ARHGAP10: variants seen among roughly 807,000 people sequenced by gnomAD.
ARHGAP10 encodes the protein Rho GTPase activating protein 10.
ARHGAP10 carries 87 observed loss-of-function variants against 108.6 expected under a neutral mutation model. The observed-to-expected ratio is 0.80, with a 90% CI of 0.67 to 0.96. The LOEUF is 0.96. Among genes scored for constraint, ARHGAP10 ranks in the 40% least tolerant of loss-of-function variants. The pLI, the probability that ARHGAP10 is intolerant of heterozygous loss-of-function variation, is 0.00. For missense variants in ARHGAP10, 939 were observed against 954.5 expected, an observed-to-expected ratio of 0.98 and a Z score of 0.21; for synonymous variants, 347 against 341.1, an observed-to-expected ratio of 1.02 and a Z score of -0.19.
intron 18 of ARHGAP10, among the ~76,000 whole-genome samples, chr4:147,990,587 T>C (rs1206195102): frequency 6.6e-6 from 1 of 152,176 alleles, no homozygotes; most frequent in Non-Finnish European, 1.5e-5. Flanking sequence ...GTGGCACATA[T>C]ACACCATGGA....
At chr4:147,775,588 T>C (rs1478422834) in intron 1 of ARHGAP10, among the ~76,000 whole-genome samples, 2 of 152,182 alleles carry the variant, frequency 1.3e-5, no homozygotes. Context: ...GGTCCTTGTT[T>C]CCTTTTCACC....
chr4:147,788,130 A>T (rs529455188), intron 1 of ARHGAP10, among the ~76,000 whole-genome samples: 10 of 15,986 alleles, frequency 6.3e-4, no homozygotes, highest in Non-Finnish European at 2.5e-3. Context: ...CTTTTAAAAA[A>T]TTTGATTTTT....
intron 18 of ARHGAP10, among the ~76,000 whole-genome samples, chr4:148,000,183 T>C (rs969083481): frequency 6.6e-6 from 1 of 152,088 alleles, no homozygotes; most frequent in Non-Finnish European, 1.5e-5. Flanking sequence ...GTGGTTGGTT[T>C]TTTTTGTCCT....
At chr4:148,061,281 G>A in intron 20 of ARHGAP10, among the ~76,000 whole-genome samples, 1 of 152,056 alleles carries the variant, frequency 6.6e-6, no homozygotes, top group Non-Finnish European at 1.5e-5. Context: ...GAGCTGATGG[G>A]GGGTGTGGCA....
chr4:147,909,882 C>T, intron 12 of ARHGAP10, 105 bp downstream of exon 12: 4 of 1,110,376 alleles, frequency 3.6e-6, no homozygotes, highest in Admixed American at 2.0e-5. Flanking sequence ...TCTGCACCCT[C>T]TATTAGACAG....
intron 1 of ARHGAP10, among the ~76,000 whole-genome samples, chr4:147,777,121 G>A (rs1322349549): frequency 6.6e-6 from 1 of 152,132 alleles, no homozygotes; most frequent in Admixed American, 6.5e-5. Flanking sequence ...ATGTTAAACT[G>A]TTTTAAGGTG....
chr4:147,852,760 C>T (rs1341493410), intron 4 of ARHGAP10, among the ~76,000 whole-genome samples: 1 of 141,482 alleles, frequency 7.1e-6, no homozygotes, highest in East Asian at 2.1e-4. Flanking sequence ...CCCTTGTCAC[C>T]CAGGCTGGAG....
At chr4:147,777,450 A>G (rs1326989102) in intron 1 of ARHGAP10, among the ~76,000 whole-genome samples, 1 of 151,668 alleles carries the variant, frequency 6.6e-6, no homozygotes, top group Admixed American at 6.6e-5. Context: ...TTGGGTAGAG[A>G]TGGGGTTTCA....
intron 10 of ARHGAP10, among the ~76,000 whole-genome samples, chr4:147,886,457 C>G (rs2126879203): frequency 6.6e-6 from 1 of 152,332 alleles, no homozygotes; most frequent in East Asian, 1.9e-4. Context: ...CTACCACCTT[C>G]TTTCCTAATA....
chr4:147,896,187 CCTT>C (rs1441564349), intron 10 of ARHGAP10, among the ~76,000 whole-genome samples: 1 of 152,034 alleles, frequency 6.6e-6, no homozygotes, highest in Non-Finnish European at 1.5e-5. Context: ...TTTTTTATGT[CCTT>C]CTCTGGTTTT....
chr4:147,939,793 C>T (rs1738102229), intron 13 of ARHGAP10, 32 bp from the exon 14 acceptor site: 4 of 1,569,280 alleles, frequency 2.5e-6, no homozygotes, highest in Non-Finnish European at 3.5e-6. Context: ...TGATAGTCTT[C>T]TATTTTGCTA....
intron 19 of ARHGAP10, among the ~76,000 whole-genome samples, chr4:148,042,677 T>C (rs1728686354): frequency 1.3e-5 from 2 of 152,312 alleles, no homozygotes; most frequent in South Asian, 2.1e-4. Flanking sequence ...ACCACCTTGT[T>C]TGTCTTTGCC....
chr4:147,954,180 G>A (rs1407603389), intron 15 of ARHGAP10, among the ~76,000 whole-genome samples: 2 of 152,012 alleles, frequency 1.3e-5, no homozygotes, highest in Admixed American at 6.6e-5. Flanking sequence ...CTTTTGAGTG[G>A]AGTGTCATTT....
At chr4:148,031,480 G>C (rs1294995177) in intron 19 of ARHGAP10, among the ~76,000 whole-genome samples, 1 of 152,176 alleles carries the variant, frequency 6.6e-6, no homozygotes, top group African/African-American at 2.4e-5. Context: ...GACAAAGCTA[G>C]GATGGAACCC....
At chr4:147,907,593 T>G (rs1277498430) in intron 11 of ARHGAP10, among the ~76,000 whole-genome samples, 2 of 152,200 alleles carry the variant, frequency 1.3e-5, no homozygotes, top group African/African-American at 4.8e-5. Context: ...GGGCAAAAGC[T>G]AATGTTATCT....
intron 11 of ARHGAP10, among the ~76,000 whole-genome samples, chr4:147,907,455 C>G (rs1053624597): frequency 1.3e-5 from 2 of 151,978 alleles, no homozygotes; most frequent in Non-Finnish European, 2.9e-5. Flanking sequence ...ATTGCAGGTG[C>G]CAGGCAGGCT....
chr4:148,068,262 G>A (rs1294346267), intron 22 of ARHGAP10, among the ~76,000 whole-genome samples: 1 of 152,190 alleles, frequency 6.6e-6, no homozygotes, highest in Non-Finnish European at 1.5e-5. Context: ...CAGCGGGACT[G>A]CTTTCCTGGC....
At chr4:147,810,833 T>G (rs744031) in intron 1 of ARHGAP10, among the ~76,000 whole-genome samples, 154 of 152,244 alleles carry the variant, frequency 1.0e-3, no homozygotes, top group African/African-American at 3.2e-3. Flanking sequence ...AAAGCCATCA[T>G]GACAGGGTCT....
At chr4:147,792,186 C>T (rs953509576) in intron 1 of ARHGAP10, among the ~76,000 whole-genome samples, 1 of 152,160 alleles carries the variant, frequency 6.6e-6, no homozygotes, top group Non-Finnish European at 1.5e-5. Flanking sequence ...TGCATCTTTT[C>T]CAGTATTTTG....
Sources: allele counts gnomAD v4.1 joint callset (sites outside exome capture counted in the v4.1 genomes callset), GRCh38; gene constraint gnomAD v4.1.1; transcripts MANE v1.5; gene names NCBI Gene and HGNC (gene_info 2026-07-23, HGNC 2026-07-21).